Variants in CABIN1 observed in about 807,000 individuals in gnomAD.
CABIN1 encodes the protein calcineurin binding protein 1.
Under a neutral mutation model 227.7 loss-of-function variants are expected in CABIN1, and 133 were observed. The ratio of observed to expected loss-of-function variants is 0.58; its 90% CI spans 0.51 to 0.67. CABIN1 has a LOEUF of 0.67. Among genes scored for constraint, CABIN1 ranks in the 30% least tolerant of loss-of-function variants. The probability of loss-of-function intolerance (pLI) is 0.00; values close to 1 mark genes in which losing one functional copy is unlikely to be tolerated. For missense variants in CABIN1, 2,408 were observed against 2,852.5 expected (o/e 0.84, Z 3.55); for synonymous variants, 1,086 against 1,155.1 (o/e 0.94, Z 1.21).
intron 25 of CABIN1, among the ~76,000 whole-genome samples, chr22:24,096,817 G>A (rs1340666056): frequency 6.6e-6 from 1 of 152,230 alleles, no homozygotes; most frequent in Admixed American, 6.5e-5. Context: ...TGGGAGCCAG[G>A]GGAGGGCTCA....
rs1365637400 is a variant in CABIN1, at chr22:24,098,196, C to T, written c.4117+4C>T. On this transcript the variant is annotated splice_donor_region_variant and intron_variant, in intron 26 of 36. Transcript: ENST00000263119. ...CACCAGCAGGCAACGCCGGACGGTA[C>T]AGTCCCTGTTCTCCCTACTGCCAGC... is the stretch of plus-strand genomic sequence containing the variant. 3 of 1,613,990 alleles carry T rather than the reference C, an allele frequency of 1.9e-6. No individual in the cohort carries two copies. Among genetic ancestry groups the T allele is most frequent in the African/African-American group, 2.7e-5 (2 of 74,924 alleles).
At chr22:24,172,051 C>T in intron 34 of CABIN1, 56 bp downstream of exon 34, 1 of 1,567,860 alleles carries the variant, frequency 6.4e-7, no homozygotes. Context: ...ATCAAGTCCT[C>T]CCTGCGGGGA....
At chr22:24,091,980 G>A (rs2041575868) in intron 24 of CABIN1, 137 bp downstream of exon 24, 2 of 993,288 alleles carry the variant, frequency 2.0e-6, no homozygotes, top group Middle Eastern at 2.3e-4. Flanking sequence ...GCAGCTTCAT[G>A]TGCAATTGAA....
chr22:24,041,785 A>G (rs1438035022), intron 5 of CABIN1, among the ~76,000 whole-genome samples: 3 of 152,214 alleles, frequency 2.0e-5, no homozygotes, highest in Admixed American at 6.5e-5. Flanking sequence ...CTTCCTACGC[A>G]TACACTAATC....
At chr22:24,044,925 CTTT>C (rs200969491) in intron 6 of CABIN1, among the ~76,000 whole-genome samples, 1 of 140,164 alleles carries the variant, frequency 7.1e-6, no homozygotes. Context: ...TCAGAATCAC[CTTT>C]TTTTTTTTTT....
intron 24 of CABIN1, among the ~76,000 whole-genome samples, chr22:24,092,293 C>T (rs1208039430): frequency 6.6e-6 from 1 of 152,180 alleles, no homozygotes; most frequent in Non-Finnish European, 1.5e-5. Flanking sequence ...GGTGAGCAGC[C>T]TGCTCTCTTG....
At position 24,064,416 on chromosome 22, in the gene CABIN1, A is replaced by T. The variant is rs550396367; in HGVS notation, c.2037+229A>T. Among the ~76,000 whole-genome samples the T allele has an allele frequency of 7.9e-4, 119 of 151,172 alleles. 2 individuals are homozygous for T. In the South Asian group the frequency reaches 0.024, roughly 31 times the overall value. ...GAGACGGGGTTTCACCATGTTGGCC[A>T]GGCTGGTCTTGAACTCCTGACATCA... is the stretch of plus-strand genomic sequence containing the variant. On this transcript the variant is annotated intron_variant, in intron 15 of 36. Coordinates refer to ENST00000263119, the MANE Select transcript of CABIN1 (RefSeq NM_012295.4).
In CABIN1 at chr22:24,151,957, T is replaced by A. The variant is rs538351256; in HGVS notation, c.4747-12443T>A. On this transcript the variant is annotated intron_variant, in intron 29 of 36. Coordinates refer to ENST00000263119, the MANE Select transcript of CABIN1 (RefSeq NM_012295.4). ...CACTGCCCATCCACAAGAGCCCTGG[T>A]ATTGGTGACTAAGATCCCAGTTCTG... Among the ~76,000 whole-genome samples, 14 of 152,256 alleles carry A rather than the reference T, an allele frequency of 9.2e-5. No individual in the cohort carries two copies. In the East Asian group the frequency reaches 2.7e-3, roughly 29 times the overall value.
At chr22:24,076,139 TC>T (rs750145619) in intron 18 of CABIN1, 29 bp from the exon 19 acceptor site, 1 of 1,573,804 alleles carries the variant, frequency 6.4e-7, no homozygotes, top group Non-Finnish European at 8.7e-7. Context: ...CCACACTAAC[TC>T]TGTGTCTGTC....
intron 1 of CABIN1, among the ~76,000 whole-genome samples, chr22:24,034,324 G>T (rs2036708880): frequency 6.6e-6 from 1 of 152,142 alleles, no homozygotes; most frequent in African/African-American, 2.4e-5. Context: ...TGCATATTCT[G>T]GACATTTCAT....
At chr22:24,084,474 A>G in intron 20 of CABIN1, 105 bp from the exon 21 acceptor site, 5 of 944,314 alleles carry the variant, frequency 5.3e-6, no homozygotes, top group Admixed American at 3.4e-5. Context: ...AATATGCCAT[A>G]ACCTCATTTA....
In CABIN1 at chr22:24,177,211, G is replaced by A. The variant is rs1295590977; in HGVS notation, c.6206-293G>A. 6.6e-6 allele frequency among the ~76,000 whole-genome samples: 1 copy of A among 152,230 alleles called. No homozygotes were observed. The highest frequency in any genetic ancestry group is 1.5e-5 in the Non-Finnish European group (1 of 68,026). ...GACAGTTCATGCAAGCATGATGCCTGGAGGTCTTACAGAACCCAGCAAGGC... is the reference window on the plus strand; with the variant it reads ...GACAGTTCATGCAAGCATGATGCCTAGAGGTCTTACAGAACCCAGCAAGGC... On this transcript the variant is annotated intron_variant, in intron 35 of 36. Transcript: ENST00000263119. This position sits in a 1 kb window ranked among gnomAD's most constrained non-coding sequence, Gnocchi z 4.4.
At chr22:24,022,585 G>A (rs910625525) in intron 1 of CABIN1, among the ~76,000 whole-genome samples, 5 of 152,182 alleles carry the variant, frequency 3.3e-5, no homozygotes, top group Non-Finnish European at 5.9e-5. Flanking sequence ...AGTTTTGTGT[G>A]AACATTTCTC....
At chr22:24,044,834 C>T (rs2037717148) in intron 6 of CABIN1, among the ~76,000 whole-genome samples, 1 of 152,100 alleles carries the variant, frequency 6.6e-6, no homozygotes, top group Non-Finnish European at 1.5e-5. Context: ...TATATTTCTA[C>T]CAACATTCTG....
At chr22:24,075,221 C>T (rs2040355687) in intron 18 of CABIN1, among the ~76,000 whole-genome samples, 1 of 151,540 alleles carries the variant, frequency 6.6e-6, no homozygotes, top group African/African-American at 2.4e-5. Context: ...AGAAAAAGTA[C>T]AAAACAAATT....
At chr22:24,031,316 G>A (rs1201048583) in intron 1 of CABIN1, among the ~76,000 whole-genome samples, 1 of 152,188 alleles carries the variant, frequency 6.6e-6, no homozygotes, top group Non-Finnish European at 1.5e-5. Flanking sequence ...GGTGTGACAT[G>A]GGGAATCCCA....
intron 4 of CABIN1, among the ~76,000 whole-genome samples, chr22:24,039,895 C>T (rs2037231247): frequency 6.6e-6 from 1 of 152,204 alleles, no homozygotes. Flanking sequence ...AGAAGATTGG[C>T]ATAGATAGGC....
intron 26 of CABIN1, among the ~76,000 whole-genome samples, chr22:24,105,647 T>G (rs1264116888): frequency 1.3e-5 from 2 of 152,104 alleles, no homozygotes; most frequent in Non-Finnish European, 2.9e-5. Flanking sequence ...TGGAAGGCTC[T>G]CTCCACCCAG....
At position 24,063,118 on chromosome 22, in the gene CABIN1, G is replaced by A; in HGVS notation, c.1856G>A (p.Trp619Ter). Residue 619 changes from tryptophan to a stop codon, truncating the protein, a stop_gained, in exon 14 of 37, where the codon TGG (tryptophan) becomes TAG (stop). Coordinates refer to ENST00000263119, the MANE Select transcript of CABIN1 (RefSeq NM_012295.4). LOFTEE classifies it high-confidence loss of function. ...GWLEFVVRVYWLKARFLALQG... is the reference protein window; with the variant it reads ...GWLEFVVRVY ...CTGGAGTTTGTGGTCCGTGTTTACT[G>A]GCTGAAGGCTCGCTTCCTGGCGCTG... The A allele has an allele frequency of 1.9e-6, 3 of 1,614,170 alleles. No individual in the cohort carries two copies. Among genetic ancestry groups the A allele is most frequent in the African/African-American group, 1.3e-5 (1 of 75,044 alleles).
Sources: gnomAD v4.1 joint callset for allele counts (sites outside exome capture counted in the v4.1 genomes callset) on GRCh38, gnomAD v4.1.1 for gene constraint, Gnocchi (gnomAD v3.1) non-coding constraint, MANE v1.5 for transcripts, NCBI Gene and HGNC (gene_info 2026-07-23, HGNC 2026-07-21) for gene names.